The following NRG1 variants were observed in gnomAD, a reference collection of about 807,000 sequenced individuals.
NRG1 encodes neuregulin 1.
Under a neutral mutation model 63.8 loss-of-function variants are expected in NRG1, and 18 were observed. That is an observed-to-expected ratio of 0.28 (90% CI 0.19 to 0.42). The LOEUF is 0.42. NRG1 is among the 10% of genes least tolerant of loss of function. The probability of loss-of-function intolerance (pLI) is 1.00; values close to 1 mark genes in which losing one functional copy is unlikely to be tolerated. For synonymous variants in NRG1, 302 were observed against 301.3 expected, an observed-to-expected ratio of 1.00 and a Z score of -0.02; for missense variants, 762 against 814.7, an observed-to-expected ratio of 0.94 and a Z score of 0.79.
At chr8:32,411,840 T>C (rs1316062011) in intron 1 of NRG1, among the ~76,000 whole-genome samples, 1 of 152,336 alleles carries the variant, frequency 6.6e-6, no homozygotes, top group Non-Finnish European at 1.5e-5. Flanking sequence ...CTAGCCATCT[T>C]ATTCTAAAAA....
intron 1 of NRG1, among the ~76,000 whole-genome samples, chr8:32,326,041 C>A (rs1352192455): frequency 1.4e-5 from 2 of 147,778 alleles, no homozygotes; most frequent in African/African-American, 5.0e-5. Flanking sequence ...TATGGAGTCT[C>A]TGTCTGTCAC....
At chr8:31,960,020 G>C (rs1805186919) in intron 1 of NRG1, among the ~76,000 whole-genome samples, 1 of 152,004 alleles carries the variant, frequency 6.6e-6, no homozygotes, top group South Asian at 2.1e-4. Context: ...AAAGTGGAAA[G>C]GGAGAATGAC....
At chr8:32,452,501 C>A (rs1024388029) in intron 1 of NRG1, among the ~76,000 whole-genome samples, 34 of 152,240 alleles carry the variant, frequency 2.2e-4, no homozygotes, top group Non-Finnish European at 3.8e-4. Context: ...AAGTACAGAA[C>A]CACTAAAGTC....
chr8:32,535,162 C>T (rs1215631345), intron 1 of NRG1, among the ~76,000 whole-genome samples: 4 of 152,180 alleles, frequency 2.6e-5, no homozygotes, highest in African/African-American at 9.6e-5. Flanking sequence ...TAAGGAGTTT[C>T]TGTTTGGGTT....
chr8:31,680,184 A>C (rs1808169638), intron 1 of NRG1, among the ~76,000 whole-genome samples: 1 of 152,036 alleles, frequency 6.6e-6, no homozygotes, highest in South Asian at 2.1e-4. Context: ...GTACATGTGC[A>C]CAATGTGCAG....
chr8:32,298,421 A>G (rs1411371036), intron 1 of NRG1, among the ~76,000 whole-genome samples: 2 of 152,206 alleles, frequency 1.3e-5, no homozygotes, highest in African/African-American at 4.8e-5. Context: ...ACACTTATCC[A>G]GTCTATAAAA....
Position 32,561,060 on chromosome 8 carries a change from G to A in NRG1, c.100+12234G>A, listed in dbSNP as rs375585828. On this transcript the variant is annotated intron_variant, in intron 1 of 11. Coordinates refer to ENST00000356819, the Ensembl canonical transcript of NRG1. ...AGGTTGTCTTAGAGGTCATCTGCTC[G>A]AATCTCATCTTTTTAGTTGAGGAAA... Among the ~76,000 whole-genome samples the A allele has an allele frequency of 2.5e-4, 38 of 152,260 alleles. No homozygotes were observed. In the East Asian group the frequency reaches 4.3e-3, roughly 17 times the overall value.
intron 5 of NRG1, among the ~76,000 whole-genome samples, chr8:32,693,459 G>A (rs982021697): frequency 4.0e-5 from 6 of 149,196 alleles, no homozygotes; most frequent in African/African-American, 9.9e-5. Context: ...CTTGTGATCC[G>A]CCCACCTCGG....
rs551870622 is a variant in NRG1 at position 31,818,783 on chromosome 8, C to T, written c.37+179352C>T. On this transcript the variant is annotated intron_variant, in intron 1 of 10. Transcript: ENST00000519301. ...ACATGTTATAAAAACTTAGGCTGGG[C>T]GCGGTGGCTCACGCCTGTAATCCCA... Among the ~76,000 whole-genome samples the T allele has an allele frequency of 1.2e-3, 186 of 152,142 alleles. 1 individual carries two copies. Among genetic ancestry groups the T allele is most frequent in the African/African-American group, 4.1e-3 (172 of 41,510 alleles).
chr8:31,854,163 A>T (rs549657589), intron 1 of NRG1, among the ~76,000 whole-genome samples: 1 of 151,882 alleles, frequency 6.6e-6, no homozygotes, highest in East Asian at 1.9e-4. Context: ...TTTTCTATTG[A>T]TTGGAATAGT....
At chr8:32,559,627 G>T (rs1431175497) in intron 1 of NRG1, among the ~76,000 whole-genome samples, 2 of 151,950 alleles carry the variant, frequency 1.3e-5, no homozygotes, top group Non-Finnish European at 2.9e-5. Context: ...ACTTTAAATT[G>T]ACTAGAGCTA....
At chr8:32,651,079 C>G (rs1317682218) in intron 5 of NRG1, among the ~76,000 whole-genome samples, 1 of 152,120 alleles carries the variant, frequency 6.6e-6, no homozygotes, top group Non-Finnish European at 1.5e-5. Flanking sequence ...TAGAATTACT[C>G]CCTCACTGAC....
At chr8:32,290,372 G>A (rs985746524) in intron 1 of NRG1, among the ~76,000 whole-genome samples, 1 of 151,880 alleles carries the variant, frequency 6.6e-6, no homozygotes, top group African/African-American at 2.4e-5. Flanking sequence ...TAGAGAGAGG[G>A]TGTAAATATA....
At chr8:32,165,483 A>G (rs1376790388) in intron 1 of NRG1, among the ~76,000 whole-genome samples, 1 of 152,180 alleles carries the variant, frequency 6.6e-6, no homozygotes, top group Non-Finnish European at 1.5e-5. Flanking sequence ...TAATGAAAAC[A>G]TATGAGTATA....
chr8:32,202,116 G>A (rs1239125588), intron 1 of NRG1, among the ~76,000 whole-genome samples: 2 of 152,086 alleles, frequency 1.3e-5, no homozygotes, highest in African/African-American at 2.4e-5. Context: ...GCTTCCACCA[G>A]CTGATTTTTA....
chr8:32,231,820 G>A (rs886097240), intron 1 of NRG1, among the ~76,000 whole-genome samples: 11 of 151,176 alleles, frequency 7.3e-5, no homozygotes, highest in Admixed American at 5.3e-4. Context: ...AATTGAATTC[G>A]AGAGGCGGAG....
chr8:31,876,409 G>A (rs1829927874), intron 1 of NRG1, among the ~76,000 whole-genome samples: 2 of 152,138 alleles, frequency 1.3e-5, no homozygotes, highest in South Asian at 2.1e-4. Flanking sequence ...ATTCATTTGA[G>A]TAACAAGCAA....
chr8:32,772,119 A>C (rs1015757447), downstream of NRG1, among the ~76,000 whole-genome samples: 1 of 148,260 alleles, frequency 6.7e-6, no homozygotes, highest in Middle Eastern at 3.5e-3. Context: ...CAGAGTGACC[A>C]AATTAGACGG....
intron 10 of NRG1, 114 bp downstream of exon 10, chr8:32,759,550 A>C: frequency 7.7e-7 from 1 of 1,300,676 alleles, no homozygotes; most frequent in Non-Finnish European, 1.0e-6. Context: ...TTTGGGCAGC[A>C]ACAGATTTTG....
Sources: allele counts gnomAD v4.1 joint callset (sites outside exome capture counted in the v4.1 genomes callset), GRCh38; gene constraint gnomAD v4.1.1; transcripts MANE v1.5; gene names NCBI Gene and HGNC (gene_info 2026-07-23, HGNC 2026-07-21).